FBXO25: variants seen among roughly 807,000 people sequenced by gnomAD.
FBXO25 encodes F-box only protein 25.
Under a neutral mutation model 51.9 loss-of-function variants are expected in FBXO25, and 45 were observed. The observed-to-expected ratio is 0.87, with a 90% confidence interval of 0.68 to 1.11. FBXO25 has a LOEUF of 1.11. FBXO25 is among the 50% of genes most tolerant of loss of function. The probability of loss-of-function intolerance (pLI) is 0.00; values close to 1 mark genes in which losing one functional copy is unlikely to be tolerated. For synonymous variants in FBXO25, 199 were observed against 151.0 expected (o/e 1.32, Z -2.33); for missense variants, 507 against 428.5 (o/e 1.18, Z -1.62).
chr8:429,487 G>T (rs535200007), intron 2 of FBXO25, among the ~76,000 whole-genome samples: 1 of 152,322 alleles, frequency 6.6e-6, no homozygotes, highest in Admixed American at 6.5e-5. Flanking sequence ...GCTGTGACGT[G>T]TAGTTGATTG....
Position 476,324 on chromosome 8 carries a change from TG to T in FBXO25, c.*7521del, listed in dbSNP as rs1423574507. 2.0e-5 allele frequency: 3 copies of T among 147,476 alleles called. No individual in the cohort carries two copies. The highest frequency in any genetic ancestry group is 1.9e-4 in the East Asian group (1 of 5,180). 9.1% of individuals were successfully genotyped at this position (147,476 alleles called of 1,614,324 possible). A position where few individuals can be genotyped will look rare whatever the true frequency, so the allele number is the denominator to read the frequency against. On this transcript the variant is annotated 3_prime_UTR_variant, in exon 10 of 10. Transcript: ENST00000350302. ...CTTGATCAGGAATACTGATGTGTGG[TG>T]TTTTTTTCTTATAGTGTCTTTGTCT...
chr8:444,092 A>T (rs1798594701), intron 5 of FBXO25, among the ~76,000 whole-genome samples: 1 of 152,214 alleles, frequency 6.6e-6, no homozygotes, highest in African/African-American at 2.4e-5. Flanking sequence ...CAGGGGCATT[A>T]CAGCATTGAA....
chr8:424,035 T>G (rs1029253804), intron 2 of FBXO25, among the ~76,000 whole-genome samples: 1 of 152,174 alleles, frequency 6.6e-6, no homozygotes, highest in Non-Finnish European at 1.5e-5. Context: ...ATTTCTCTAA[T>G]GCTATGTGGT....
At chr8:457,216 C>T (rs1046989137) in intron 7 of FBXO25, among the ~76,000 whole-genome samples, 2 of 152,064 alleles carry the variant, frequency 1.3e-5, no homozygotes, top group Admixed American at 1.3e-4. Context: ...TCTGTCCCGC[C>T]CAAACAGCCA....
intron 7 of FBXO25, among the ~76,000 whole-genome samples, chr8:457,683 C>T (rs2116782165): frequency 6.6e-6 from 1 of 152,268 alleles, no homozygotes; most frequent in Non-Finnish European, 1.5e-5. Flanking sequence ...CTTACATGTT[C>T]TCACCACAAA....
chr8:428,776 A>G (rs577630221), intron 2 of FBXO25, among the ~76,000 whole-genome samples: 43 of 152,202 alleles, frequency 2.8e-4, no homozygotes, highest in Non-Finnish European at 5.0e-4. Context: ...AGTACCTCAT[A>G]TAAGTCAAAT....
At chr8:437,388 C>A (rs997554826) in intron 5 of FBXO25, among the ~76,000 whole-genome samples, 6 of 152,178 alleles carry the variant, frequency 3.9e-5, no homozygotes, top group African/African-American at 1.4e-4. Flanking sequence ...GCATGGCTGT[C>A]CCAGCACCCT....
intron 8 of FBXO25, among the ~76,000 whole-genome samples, chr8:460,149 A>ACGTGCAGGCC (rs1799715998): frequency 6.6e-6 from 1 of 152,096 alleles, no homozygotes; most frequent in Non-Finnish European, 1.5e-5. Context: ...ACTCCCTATC[A>ACGTGCAGGCC]CGTGCAGGCC....
intron 2 of FBXO25, among the ~76,000 whole-genome samples, chr8:430,742 G>T (rs1263591121): frequency 3.9e-5 from 6 of 152,114 alleles, no homozygotes; most frequent in African/African-American, 1.4e-4. Context: ...TTTAGTTATT[G>T]CCTTATGATT....
chr8:429,264 C>A (rs376274337), intron 2 of FBXO25, among the ~76,000 whole-genome samples: 1 of 152,020 alleles, frequency 6.6e-6, no homozygotes, highest in Non-Finnish European at 1.5e-5. Flanking sequence ...AGTATCTCAT[C>A]GTAGTGTTAA....
Position 453,388 on chromosome 8 carries a change from T to C in FBXO25, c.660+1935T>C, listed in dbSNP as rs1196547766. 2.0e-5 allele frequency among the ~76,000 whole-genome samples: 3 copies of C among 152,098 alleles called. No homozygotes were observed. The South Asian group carries it at 6.2e-4, about 32-fold the overall frequency. On this transcript the variant is annotated intron_variant, in intron 7 of 9. Transcript: ENST00000350302. ...CATGTGCCTCTGTGAGGATCTTGGC[T>C]TCTGGACCCTGTGCCCTGCTTCTAG...
In FBXO25 at chr8:468,855, A is replaced by G. The variant is rs1317324559; in HGVS notation, c.*51A>G. 4 of 1,559,818 alleles carry G rather than the reference A, an allele frequency of 2.6e-6. No individual in the cohort carries two copies. The highest frequency in any genetic ancestry group is 3.5e-6 in the Non-Finnish European group (4 of 1,139,474). On this transcript the variant is annotated 3_prime_UTR_variant, in exon 10 of 10. Transcript: ENST00000350302. The stretch of plus-strand genomic sequence containing the variant: ...AGATTGTGAATCCTGCTGTCTGTGC[A>G]GGGCTCATAGTGAGTGTTCTGTGAG...
At chr8:448,602 T>A (rs1798881180) in intron 5 of FBXO25, among the ~76,000 whole-genome samples, 1 of 152,218 alleles carries the variant, frequency 6.6e-6, no homozygotes, top group Admixed American at 6.5e-5. Context: ...AGAAACAGTG[T>A]CCATCGGACT....
chr8:465,993 G>A (rs975273088), intron 9 of FBXO25, among the ~76,000 whole-genome samples: 1 of 152,134 alleles, frequency 6.6e-6, no homozygotes, highest in African/African-American at 2.4e-5. Flanking sequence ...AAGGACAGCT[G>A]CCCATCTCTT....
At chr8:432,969 G>T in intron 4 of FBXO25, 34 bp downstream of exon 4, 2 of 1,514,310 alleles carry the variant, frequency 1.3e-6, no homozygotes, top group Non-Finnish European at 1.8e-6. Context: ...AGAGTATCTT[G>T]TATTGTTTCT....
intron 7 of FBXO25, among the ~76,000 whole-genome samples, chr8:454,382 C>T (rs531584090): frequency 2.0e-5 from 3 of 152,308 alleles, no homozygotes; most frequent in African/African-American, 4.8e-5. Flanking sequence ...TTCCTCACCC[C>T]GTCAGCACTT....
chr8:409,597 A>G (rs1256581434), intron 1 of FBXO25, among the ~76,000 whole-genome samples: 1 of 152,208 alleles, frequency 6.6e-6, no homozygotes, highest in African/African-American at 2.4e-5. Flanking sequence ...GTATTAAATG[A>G]TGAGTGGGCA....
At chr8:434,877 G>A (rs529007230) in intron 4 of FBXO25, among the ~76,000 whole-genome samples, 1 of 152,152 alleles carries the variant, frequency 6.6e-6, no homozygotes, top group Non-Finnish European at 1.5e-5. Context: ...AAAATAAATT[G>A]TTTCATTTTC....
At position 476,797 on chromosome 8, in the gene FBXO25, C is replaced by G. The variant is rs939259258; in HGVS notation, c.*7993C>G. 1 of 149,710 alleles carries G rather than the reference C, an allele frequency of 6.7e-6. No individual in the cohort carries two copies. Among genetic ancestry groups the G allele is most frequent in the African/African-American group, 2.5e-5 (1 of 39,636 alleles). 9.3% of individuals were successfully genotyped at this position (149,710 alleles called of 1,614,324 possible). A position where few individuals can be genotyped will look rare whatever the true frequency, so the allele number is the denominator to read the frequency against. On this transcript the variant is annotated 3_prime_UTR_variant, in exon 10 of 10. Transcript: ENST00000350302. Reference sequence around the variant, plus strand: ...ATTGCTTTTCTGTTCTCTATTTTGTCTCTGCTCTAATCTTTATTATTATTA... The same window carrying G: ...ATTGCTTTTCTGTTCTCTATTTTGTGTCTGCTCTAATCTTTATTATTATTA...
Sources: allele counts gnomAD v4.1 joint callset (sites outside exome capture counted in the v4.1 genomes callset), GRCh38; gene constraint gnomAD v4.1.1; transcripts MANE v1.5; gene names NCBI Gene and HGNC (gene_info 2026-07-23, HGNC 2026-07-21).